The following DST variants were observed in gnomAD, a reference collection of about 807,000 sequenced individuals.
The protein encoded by DST is bullous pemphigoid antigen.
DST carries 253 observed loss-of-function variants against 875.2 expected under a neutral mutation model. The observed-to-expected ratio is 0.29, with a 90% CI of 0.26 to 0.32. DST has a LOEUF of 0.32. Ranked by LOEUF, DST falls within the 10% of genes least tolerant of loss-of-function variation. The probability of loss-of-function intolerance (pLI) is 1.00; values close to 1 mark genes in which losing one functional copy is unlikely to be tolerated. For synonymous variants in DST, 3,124 were observed against 3,197.1 expected (o/e 0.98, Z 0.77); for missense variants, 8,287 against 9,111.6 (o/e 0.91, Z 3.68).
intron 4 of DST, among the ~76,000 whole-genome samples, chr6:56,821,691 TCTGA>T (rs2099773219): frequency 6.6e-6 from 1 of 152,210 alleles, no homozygotes; most frequent in African/African-American, 2.4e-5. Flanking sequence ...ATCTTTCCTC[TCTGA>T]CTGCCCTATG....
Position 56,615,906 on chromosome 6 carries a change from C to T in DST, c.4930-1422G>A, listed in dbSNP as rs2152728378. ...TGGCCAATCCCTGTGATTACTAATTCACACTGTCGCAGCTGCTGGGCAAAC... is the reference window on the plus strand; with the variant it reads ...TGGCCAATCCCTGTGATTACTAATTTACACTGTCGCAGCTGCTGGGCAAAC... On this transcript the variant is annotated intron_variant, in intron 36 of 103. Transcript: ENST00000680361. 1.2e-6 allele frequency: 2 copies of T among 1,614,184 alleles called. No homozygotes were observed. The highest frequency in any genetic ancestry group is 2.7e-5 in the African/African-American group (2 of 75,044).
At chr6:56,908,947 T>G (rs1797694781) in intron 2 of DST, among the ~76,000 whole-genome samples, 1 of 152,154 alleles carries the variant, frequency 6.6e-6, no homozygotes, top group Non-Finnish European at 1.5e-5. Flanking sequence ...GAAATAAGCA[T>G]AAAAATGTGT....
At chr6:56,574,281 GA>G (rs1266853265) in intron 50 of DST, among the ~76,000 whole-genome samples, 1 of 151,868 alleles carries the variant, frequency 6.6e-6, no homozygotes, top group Non-Finnish European at 1.5e-5. Flanking sequence ...ACTTTCGGAG[GA>G]AAAAAAGGTG....
intron 38 of DST, among the ~76,000 whole-genome samples, chr6:56,610,903 C>G (rs529356744): frequency 2.0e-5 from 3 of 152,236 alleles, no homozygotes; most frequent in African/African-American, 7.2e-5. Context: ...GGTACCATTT[C>G]TCAAGATGAA....
intron 2 of DST, among the ~76,000 whole-genome samples, chr6:56,939,024 A>C (rs1287989317): frequency 6.6e-6 from 1 of 152,264 alleles, no homozygotes; most frequent in East Asian, 1.9e-4. Context: ...GAAGCAGCTA[A>C]TTGATACACT....
intron 79 of DST, 71 bp downstream of exon 79, chr6:56,501,449 T>C (rs760672941): frequency 7.2e-5 from 90 of 1,258,480 alleles, no homozygotes; most frequent in Non-Finnish European, 8.6e-5. Flanking sequence ...AATTTTATCT[T>C]TAATAATTAT....
At chr6:56,920,727 CTTTTT>C (rs1201574608) in intron 2 of DST, among the ~76,000 whole-genome samples, 1 of 124,190 alleles carries the variant, frequency 8.1e-6, no homozygotes, top group Non-Finnish European at 1.7e-5. Flanking sequence ...TTCTTTCTTC[CTTTTT>C]TTTTTTTTTT....
At chr6:56,681,398 C>T (rs993156364) in intron 9 of DST, among the ~76,000 whole-genome samples, 2 of 152,180 alleles carry the variant, frequency 1.3e-5, no homozygotes, top group African/African-American at 4.8e-5. Context: ...AATGCATTTC[C>T]ACAAGATACT....
At chr6:56,649,585 T>G (rs1587762511) in intron 12 of DST, among the ~76,000 whole-genome samples, 2 of 143,048 alleles carry the variant, frequency 1.4e-5, no homozygotes, top group Non-Finnish European at 3.0e-5. Context: ...TGGGGGGAGG[T>G]GAGTGGGGGT....
chr6:56,737,623 C>G (rs1157723184), intron 4 of DST, among the ~76,000 whole-genome samples: 4 of 152,178 alleles, frequency 2.6e-5, no homozygotes, highest in African/African-American at 9.7e-5. Flanking sequence ...CAGCACTGCT[C>G]TAGAACAAAG....
At chr6:56,568,427 C>A in intron 55 of DST, 42 bp downstream of exon 55, 2 of 1,567,236 alleles carry the variant, frequency 1.3e-6, no homozygotes, top group South Asian at 1.2e-5. Flanking sequence ...ATGAGTAAAC[C>A]TGATTCTTAG....
chr6:56,525,110 T>A (rs2096774230), intron 69 of DST, among the ~76,000 whole-genome samples: 1 of 152,140 alleles, frequency 6.6e-6, no homozygotes, highest in South Asian at 2.1e-4. Flanking sequence ...CTTCCTCACT[T>A]TACTGAACCA....
At chr6:56,948,919 G>T (rs1820998473) in intron 2 of DST, among the ~76,000 whole-genome samples, 1 of 152,148 alleles carries the variant, frequency 6.6e-6, no homozygotes, top group Non-Finnish European at 1.5e-5. Flanking sequence ...TCTGGAAGGG[G>T]ATCAGAGATC....
chr6:56,566,194 G>A (rs1467209103), intron 55 of DST, among the ~76,000 whole-genome samples: 2 of 152,128 alleles, frequency 1.3e-5, no homozygotes, highest in Admixed American at 6.5e-5. Context: ...CCCCTTTCCA[G>A]GGGAGTGAAT....
intron 69 of DST, among the ~76,000 whole-genome samples, chr6:56,524,257 C>T (rs982549401): frequency 9.2e-5 from 14 of 151,916 alleles, no homozygotes; most frequent in African/African-American, 3.4e-4. Context: ...AAGACAGGTA[C>T]CTACTACTCT....
intron 9 of DST, among the ~76,000 whole-genome samples, chr6:56,695,340 T>A (rs1447927883): frequency 2.6e-5 from 4 of 152,042 alleles, no homozygotes; most frequent in African/African-American, 4.8e-5. Context: ...CAAATAAACC[T>A]CTTTTCTGTT....
chr6:56,634,304 T>C (rs1436455679), intron 26 of DST, 46 bp from the exon 27 acceptor site: 3 of 1,613,144 alleles, frequency 1.9e-6, no homozygotes, highest in Non-Finnish European at 2.5e-6. Flanking sequence ...TTACTCCCTC[T>C]GAAAACACAC....
At chr6:56,686,892 G>A (rs543743007) in intron 9 of DST, among the ~76,000 whole-genome samples, 11 of 152,284 alleles carry the variant, frequency 7.2e-5, no homozygotes, top group Admixed American at 5.9e-4. Context: ...TTTCACATAC[G>A]TGACCTCGTT....
At position 56,607,241 on chromosome 6, in the gene DST, T is replaced by C; in HGVS notation, c.7387A>G (p.Lys2463Glu). 1 of 1,613,564 alleles carries C rather than the reference T, an allele frequency of 6.2e-7. No homozygotes were observed. The highest frequency in any genetic ancestry group is 8.5e-7 in the Non-Finnish European group (1 of 1,179,618). ...AATGATAAGGCTGGGGCTTCACACT[T>C]ATTTCCATTGCTCTCTGGGGTGTGT... ...DTHTPESNGN[K>E]CEAPALSFSD... is the part of the protein sequence containing the mutation. The change falls in exon 40 of 104, where the codon AAG becomes GAG. Residue 2463 changes from lysine (K) to glutamate (E), a missense_variant. Lys to Glu is a moderately conservative substitution (Grantham distance 56). Around this residue, in one of 10 missense-constraint regions of DST, gnomAD observed 3,138 missense variants for 3,116.6 expected, o/e 1.01. Coordinates refer to ENST00000680361, the MANE Select transcript of DST (RefSeq NM_001374736.1).
Sources: allele counts gnomAD v4.1 joint callset (sites outside exome capture counted in the v4.1 genomes callset), GRCh38; gene constraint gnomAD v4.1.1; regional missense constraint gnomAD v4.1.1; transcripts MANE v1.5; gene names NCBI Gene and HGNC (gene_info 2026-07-23, HGNC 2026-07-21).